ANKRD54: variants seen among roughly 807,000 people sequenced by gnomAD.
ANKRD54 encodes ankyrin repeat domain 54.
A neutral mutation model predicts 36.2 loss-of-function variants in ANKRD54; 26 were observed. The observed-to-expected ratio is 0.72, with a 90% CI of 0.53 to 1.00. The LOEUF is 1.00. Ranked by LOEUF, ANKRD54 falls within the 50% of genes least tolerant of loss-of-function variation. ANKRD54 has a pLI of 0.00. For missense variants in ANKRD54, 384 were observed against 424.3 expected (o/e 0.91, Z 0.83); for synonymous variants, 209 against 188.4 (o/e 1.11, Z -0.89).
chr22:37,844,318 C>G lies in ANKRD54; in HGVS notation c.-80G>C, dbSNP rs372525426. The G allele has an allele frequency of 1.4e-6, 2 of 1,453,420 alleles. No individual in the cohort carries two copies. The highest frequency in any genetic ancestry group is 1.8e-6 in the Non-Finnish European group (2 of 1,094,556). 90.0% of individuals were successfully genotyped at this position (1,453,420 alleles called of 1,614,324 possible). ...GGACCTACTTCCCTCCGCCCTGAGT[C>G]GTGCTGTCAGCGAGCTGGCGGGCGG... On this transcript the variant is annotated 5_prime_UTR_variant, in exon 1 of 8. Coordinates refer to ENST00000215941, the MANE Select transcript of ANKRD54 (RefSeq NM_138797.4).
upstream of ANKRD54, chr22:37,848,085 T>G (rs895734116): frequency 2.6e-5 from 4 of 155,684 alleles, no homozygotes; most frequent in African/African-American, 9.6e-5. Context: ...CAGAGAGTCC[T>G]GGTCACACAG....
chr22:37,845,794 G>C (rs1924804640), upstream of ANKRD54, among the ~76,000 whole-genome samples: 1 of 151,998 alleles, frequency 6.6e-6, no homozygotes, highest in Non-Finnish European at 1.5e-5. Context: ...GCTTGAACCT[G>C]GGAGGCAGAG....
intron 1 of ANKRD54, among the ~76,000 whole-genome samples, chr22:37,840,797 GAA>G (rs1924138142): frequency 2.0e-5 from 3 of 151,400 alleles, no homozygotes; most frequent in Admixed American, 2.0e-4. Flanking sequence ...TGAGGTAGGA[GAA>G]TCACTTGAAC....
intron 1 of ANKRD54, among the ~76,000 whole-genome samples, chr22:37,843,379 C>G (rs1460734768): frequency 6.6e-6 from 1 of 151,996 alleles, no homozygotes; most frequent in Non-Finnish European, 1.5e-5. Context: ...ACCAAGATGG[C>G]GCCACTGCAC....
In ANKRD54 at chr22:37,831,932, A is replaced by T. The variant is rs1601714874; in HGVS notation, c.*11T>A. On this transcript the variant is annotated 3_prime_UTR_variant, in exon 8 of 8. Transcript: ENST00000215941. ...GTGGGGCAGTGGCAGGAAGGCAGGGAGCCTCTCTTGCTACCTCTTCTCCAT... is the reference window on the plus strand; with the variant it reads ...GTGGGGCAGTGGCAGGAAGGCAGGGTGCCTCTCTTGCTACCTCTTCTCCAT... 1 of 1,612,716 alleles carries T rather than the reference A, an allele frequency of 6.2e-7. No individual in the cohort carries two copies. The highest frequency in any genetic ancestry group is 8.5e-7 in the Non-Finnish European group (1 of 1,179,640).
intron 2 of ANKRD54, among the ~76,000 whole-genome samples, chr22:37,839,677 G>T (rs1230058842): frequency 6.6e-6 from 1 of 151,708 alleles, no homozygotes; most frequent in African/African-American, 2.4e-5. Flanking sequence ...GTGAGCCACC[G>T]CGCCCAGCTA....
chr22:37,849,286 G>A (rs758967228), upstream of ANKRD54: 1 of 842,544 alleles, frequency 1.2e-6, no homozygotes, highest in Admixed American at 1.9e-5. Context: ...GCCACGGAAC[G>A]CGGCTCCTCT....
chr22:37,833,115 G>A (rs1436205471), intron 5 of ANKRD54, 33 bp from the exon 6 acceptor site: 2 of 1,614,042 alleles, frequency 1.2e-6, no homozygotes, highest in Non-Finnish European at 1.7e-6. Flanking sequence ...GCATTCTGGG[G>A]GTGAGGGGGA....
chr22:37,847,407 C>A (rs1317143447), upstream of ANKRD54, among the ~76,000 whole-genome samples: 1 of 152,120 alleles, frequency 6.6e-6, no homozygotes, highest in African/African-American at 2.4e-5. Flanking sequence ...GGTGATCCAT[C>A]TGCCTTGGCC....
intron 3 of ANKRD54, 145 bp from the exon 4 acceptor site, chr22:37,833,900 C>T: frequency 1.4e-6 from 1 of 702,570 alleles, no homozygotes; most frequent in South Asian, 1.7e-5. Flanking sequence ...CATTCACTCA[C>T]TCACTCACTT....
In ANKRD54 at chr22:37,832,706, C is replaced by T. The variant is rs1923040940; in HGVS notation, c.759G>A (p.Gly253=). The T allele has an allele frequency of 6.2e-7, 1 of 1,614,146 alleles. No homozygotes were observed. The highest frequency in any genetic ancestry group is 8.5e-7 in the Non-Finnish European group (1 of 1,180,028). The change falls in exon 7 of 8, where the codon GGG becomes GGA. Residue 253 remains glycine (G), a synonymous_variant. Coordinates refer to ENST00000215941, the MANE Select transcript of ANKRD54 (RefSeq NM_138797.4). The part of the protein sequence containing the change: ...HMLREYLERL[G]QHEQRERLDD... ...CCAGGCGTTCTCGCTGCTCATGTTG[C>T]CCTAGGCGCTCCAGATACTCCCTCA... is the stretch of plus-strand genomic sequence containing the variant.
At position 37,838,519 on chromosome 22, in the gene ANKRD54, G is replaced by C; in HGVS notation, c.456C>G (p.Cys152Trp). The change falls in exon 3 of 8, where the codon TGC (cysteine) becomes TGG (tryptophan). Residue 152 changes from cysteine (C) to tryptophan (W), a missense_variant. Cys to Trp is a radical substitution (Grantham distance 215, BLOSUM62 -2). Transcript: ENST00000215941. ...ACTCACCAATCTGGTCATTGCCATT[G>C]CATGAGGCAAAGTGTAGAGCTGTGC... is the stretch of plus-strand genomic sequence containing the variant. ...KGRTALHFAS[C>W]NGNDQIVQLL... 6.2e-7 allele frequency: 1 copy of C among 1,612,370 alleles called. No individual in the cohort carries two copies. The highest frequency in any genetic ancestry group is 2.2e-5 in the East Asian group (1 of 44,850).
chr22:37,837,167 G>C (rs887373729), intron 3 of ANKRD54, among the ~76,000 whole-genome samples: 1 of 152,138 alleles, frequency 6.6e-6, no homozygotes, highest in Non-Finnish European at 1.5e-5. Flanking sequence ...TGGCAGGGAC[G>C]TAGGGAAAGG....
At chr22:37,832,273 T>C (rs377431304) in intron 7 of ANKRD54, among the ~76,000 whole-genome samples, 12 of 151,680 alleles carry the variant, frequency 7.9e-5, no homozygotes, top group East Asian at 5.8e-4. Context: ...CTTTGAAGCC[T>C]GCAACCCCAC....
At chr22:37,832,082 C>T in intron 7 of ANKRD54, 65 bp from the exon 8 acceptor site, 2 of 1,473,212 alleles carry the variant, frequency 1.4e-6, no homozygotes, top group Non-Finnish European at 1.9e-6. Flanking sequence ...GGGTCTCTTC[C>T]ACAATCCCAC....
chr22:37,833,775 A>G lies in ANKRD54; in HGVS notation c.476-20T>C, dbSNP rs745547930. 6.2e-7 allele frequency: 1 copy of G among 1,612,782 alleles called. No individual in the cohort carries two copies. Among genetic ancestry groups the G allele is most frequent in the Non-Finnish European group, 8.5e-7 (1 of 1,179,008 alleles). On this transcript the variant is annotated intron_variant, in intron 3 of 7. Transcript: ENST00000215941. ...GCTGCACTGGAAACAGGCAAACCCA[A>G]GAGGAGTTGTCGGAGGCTTCCATTG...
At chr22:37,835,799 T>C (rs957705057) in intron 3 of ANKRD54, among the ~76,000 whole-genome samples, 3 of 152,126 alleles carry the variant, frequency 2.0e-5, no homozygotes, top group Admixed American at 1.3e-4. Context: ...GAGTGAGACT[T>C]TGTCTCAAAA....
chr22:37,832,665 C>T lies in ANKRD54; in HGVS notation c.800G>A (p.Arg267His), dbSNP rs747139373. ...QRERLDDLCT[R>H]LQMTSTKEQV... ...CTCTTTGGTACTGGTCATCTGCAGGCGGGTGCAGAGGTCATCCAGGCGTTC... is the reference window on the plus strand; with the variant it reads ...CTCTTTGGTACTGGTCATCTGCAGGTGGGTGCAGAGGTCATCCAGGCGTTC... Residue 267 changes from arginine to histidine, a missense_variant, in exon 7 of 8, where the codon CGC (arginine) becomes CAC (histidine). Physicochemically the swap from Arg to His is conservative, Grantham distance 29. This residue lies in a region of ANKRD54 where 179 missense variants were observed against 224.0 expected (regional missense o/e 0.80). Coordinates refer to ENST00000215941, the MANE Select transcript of ANKRD54 (RefSeq NM_138797.4). 16 of 1,613,970 alleles carry T rather than the reference C, an allele frequency of 9.9e-6. No individual in the cohort carries two copies. The highest frequency in any genetic ancestry group is 5.3e-5 in the African/African-American group (4 of 74,924).
chr22:37,833,172 T>A lies in ANKRD54; in HGVS notation c.582A>T (p.Thr194=), dbSNP rs772821802. Residue 194 remains threonine, a synonymous_variant, in exon 5 of 8, where the codon ACA becomes ACT. Coordinates refer to ENST00000215941, the MANE Select transcript of ANKRD54 (RefSeq NM_138797.4). ...GAAACCACATACCTCCTCGTAGCAG[T>A]GTGGTGATGACAGGAACGTGGTTGG... The part of the protein sequence containing the change: ...ACTNHVPVIT[T]LLRGGARVDA... The A allele has an allele frequency of 3.1e-6, 5 of 1,613,592 alleles. No homozygotes were observed. Among genetic ancestry groups the A allele is most frequent in the Non-Finnish European group, 4.2e-6 (5 of 1,179,942 alleles).
Sources: allele counts gnomAD v4.1 joint callset (sites outside exome capture counted in the v4.1 genomes callset), GRCh38; gene constraint gnomAD v4.1.1; regional missense constraint gnomAD v4.1.1; transcripts MANE v1.5; gene names NCBI Gene and HGNC (gene_info 2026-07-23, HGNC 2026-07-21).